ANKRD28: variants seen among roughly 807,000 people sequenced by gnomAD.
ANKRD28 encodes the protein ankyrin repeat domain 28, also known as serine/threonine-protein phosphatase 6 regulatory ankyrin repeat subunit A.
Under a neutral mutation model 126.5 loss-of-function variants are expected in ANKRD28, and 44 were observed. That is an observed-to-expected ratio of 0.35 (90% CI 0.27 to 0.45). The LOEUF is 0.45. ANKRD28 is among the 20% of genes least tolerant of loss of function. ANKRD28 has a pLI of 1.00. For synonymous variants in ANKRD28, 442 were observed against 468.5 expected (o/e 0.94, Z 0.73); for missense variants, 1,110 against 1,316.6 (o/e 0.84, Z 2.43).
At chr3:15,850,204 A>AAAAAAATATATATAT (rs1486394619) in intron 1 of ANKRD28, among the ~76,000 whole-genome samples, 16 of 54,828 alleles carry the variant, frequency 2.9e-4, no homozygotes, top group Non-Finnish European at 5.4e-4. Context: ...AAAAAAAAAA[A>AAAAAAATATATATAT]ATATATATAT....
chr3:15,785,243 A>G (rs1351969859), intron 2 of ANKRD28, among the ~76,000 whole-genome samples: 3 of 152,140 alleles, frequency 2.0e-5, no homozygotes, highest in Admixed American at 2.0e-4. Context: ...TTAAAATTCA[A>G]AAGTTCTGCT....
chr3:15,824,514 T>C (rs1439869115), intron 1 of ANKRD28, among the ~76,000 whole-genome samples: 2 of 152,166 alleles, frequency 1.3e-5, no homozygotes, highest in Non-Finnish European at 2.9e-5. Flanking sequence ...AGTTGCAGAA[T>C]ATAAGATAAA....
At chr3:15,672,583 G>C (rs2125598446) in intron 27 of ANKRD28, among the ~76,000 whole-genome samples, 1 of 152,302 alleles carries the variant, frequency 6.6e-6, no homozygotes, top group East Asian at 1.9e-4. Context: ...AAAGTAGCTG[G>C]GGGAGTGCTT....
intron 3 of ANKRD28, among the ~76,000 whole-genome samples, chr3:15,756,026 T>C (rs896320242): frequency 2.6e-5 from 4 of 152,226 alleles, no homozygotes; most frequent in Admixed American, 6.5e-5. Flanking sequence ...AAGCACCTCA[T>C]TAAATTCAAA....
At chr3:15,731,622 A>G (rs1011813482) in intron 6 of ANKRD28, among the ~76,000 whole-genome samples, 1 of 152,118 alleles carries the variant, frequency 6.6e-6, no homozygotes, top group East Asian at 1.9e-4. Context: ...TTTCAGCTTT[A>G]AAAATAGGGA....
chr3:15,703,703 T>A (rs888438826), intron 14 of ANKRD28, among the ~76,000 whole-genome samples: 3 of 152,324 alleles, frequency 2.0e-5, no homozygotes, highest in African/African-American at 7.2e-5. Context: ...AGAGAATTGT[T>A]ATTGCGAAGT....
chr3:15,837,779 C>A (rs1363976188), intron 1 of ANKRD28, among the ~76,000 whole-genome samples: 1 of 147,402 alleles, frequency 6.8e-6, no homozygotes, highest in African/African-American at 2.5e-5. Context: ...AAAAAACAAT[C>A]AATATTAGAG....
At position 15,845,906 on chromosome 3, in the gene ANKRD28, G is replaced by A. The variant is rs1386406243; in HGVS notation, c.27+13471C>T. Among the ~76,000 whole-genome samples the A allele has an allele frequency of 6.6e-6, 1 of 152,120 alleles. No individual in the cohort carries two copies. The highest frequency in any genetic ancestry group is 2.1e-4 in the South Asian group (1 of 4,830). On this transcript the variant is annotated intron_variant, in intron 1 of 27. Coordinates refer to the ANKRD28 transcript ENST00000399451. This position sits in a 1 kb window ranked among gnomAD's most constrained non-coding sequence, Gnocchi z 4.9. ...AAACTCGCTCACTATCAAGAGAACA[G>A]CAAGGGGGAAATCTGCCCCAACAAT...
At chr3:15,712,892 C>T (rs746973672) in intron 10 of ANKRD28, among the ~76,000 whole-genome samples, 3 of 151,910 alleles carry the variant, frequency 2.0e-5, no homozygotes, top group African/African-American at 4.8e-5. Context: ...AGGTGCAGTA[C>T]CATACCATTA....
intron 4 of ANKRD28, among the ~76,000 whole-genome samples, chr3:15,745,828 C>G (rs1198000039): frequency 1.3e-5 from 2 of 152,106 alleles, no homozygotes; most frequent in African/African-American, 4.8e-5. Context: ...ACCATTGATT[C>G]TACCCATCCA....
At position 15,796,620 on chromosome 3, in the gene ANKRD28, C is replaced by T; in HGVS notation, c.-99G>A. On this transcript the variant is annotated 5_prime_UTR_variant, in exon 1 of 28. It removes an upstream start codon present in the reference 5' UTR. Transcript: ENST00000683139. ...TCCTCTTCTGTACAACACTTACAAA[C>T]ATTCTCTGAACAGCACAGCTGGGTT... The T allele has an allele frequency of 2.6e-5, 28 of 1,094,848 alleles. No homozygotes were observed. The highest frequency in any genetic ancestry group is 2.9e-5 in the Non-Finnish European group (26 of 887,230). 67.8% of individuals were successfully genotyped at this position (1,094,848 alleles called of 1,614,324 possible). A position where few individuals can be genotyped will look rare whatever the true frequency, so the allele number is the denominator to read the frequency against.
chr3:15,701,622 C>G (rs1559365469), intron 14 of ANKRD28, among the ~76,000 whole-genome samples: 4 of 151,250 alleles, frequency 2.6e-5, no homozygotes, highest in Admixed American at 2.6e-4. Flanking sequence ...CCAGCCTGGG[C>G]AAGAAGATCA....
chr3:15,764,149 C>T (rs1024670043), intron 3 of ANKRD28, among the ~76,000 whole-genome samples: 3 of 152,062 alleles, frequency 2.0e-5, no homozygotes, highest in East Asian at 1.9e-4. Flanking sequence ...CGCTTGAACC[C>T]GGGAAGTTGC....
At chr3:15,807,292 T>G (rs996984263) in intron 1 of ANKRD28, among the ~76,000 whole-genome samples, 7 of 152,278 alleles carry the variant, frequency 4.6e-5, no homozygotes, top group African/African-American at 1.7e-4. Context: ...CCTTCCCAAA[T>G]GAATCACTAC....
intron 21 of ANKRD28, among the ~76,000 whole-genome samples, chr3:15,680,151 T>C (rs2067388376): frequency 6.6e-6 from 1 of 152,148 alleles, no homozygotes; most frequent in Admixed American, 6.6e-5. Context: ...ATTCCGCAAC[T>C]TGCCTTTTAC....
At position 15,713,654 on chromosome 3, in the gene ANKRD28, ACTT is replaced by A. The variant is rs753678290; in HGVS notation, c.1076-16_1076-14del. 1.3e-6 allele frequency: 2 copies of A among 1,555,268 alleles called. No individual in the cohort carries two copies. Among genetic ancestry groups the A allele is most frequent in the South Asian group, 2.3e-5 (2 of 85,994 alleles). On this transcript the variant is annotated splice_polypyrimidine_tract_variant and intron_variant, in intron 9 of 27. Transcript: ENST00000683139. ...TCGATTACAGCTCCTGCAATATAGG[ACTT>A]ACTGTCAGACACTGGACCATATAAA...
chr3:15,732,077 G>C (rs1462742085), intron 6 of ANKRD28: 2 of 152,292 alleles, frequency 1.3e-5, no homozygotes, highest in Admixed American at 1.3e-4. Context: ...GCTGCACTCA[G>C]TTCTCAGTGC....
intron 17 of ANKRD28, 67 bp downstream of exon 17, chr3:15,694,672 C>CAAAT (rs1369772882): frequency 1.4e-6 from 2 of 1,406,816 alleles, no homozygotes; most frequent in Non-Finnish European, 2.0e-6. Flanking sequence ...TGAGTCAACA[C>CAAAT]AAATAGGTTA....
intron 4 of ANKRD28, 38 bp from the exon 5 acceptor site, chr3:15,737,271 AAG>A: frequency 1.9e-6 from 3 of 1,553,102 alleles, no homozygotes; most frequent in Non-Finnish European, 1.8e-6. Context: ...CAAATGAGTT[AAG>A]AGTTTGAGAA....
Sources: gnomAD v4.1 joint callset for allele counts (sites outside exome capture counted in the v4.1 genomes callset) on GRCh38, gnomAD v4.1.1 for gene constraint, Gnocchi (gnomAD v3.1) non-coding constraint, MANE v1.5 for transcripts, NCBI Gene and HGNC (gene_info 2026-07-23, HGNC 2026-07-21) for gene names.